SRSF11: variants seen among roughly 807,000 people sequenced by gnomAD.
SRSF11 encodes the protein serine and arginine rich splicing factor 11, also known as serine/arginine-rich splicing factor 11.
A neutral mutation model predicts 56.0 loss-of-function variants in SRSF11; 9 were observed. The ratio of observed to expected loss-of-function variants is 0.16; its 90% CI spans 0.10 to 0.28. The LOEUF is 0.28. Among genes scored for constraint, SRSF11 ranks in the 10% least tolerant of loss-of-function variants. The probability of loss-of-function intolerance (pLI) is 1.00; values close to 1 mark genes in which losing one functional copy is unlikely to be tolerated. For missense variants in SRSF11, 421 were observed against 600.7 expected (o/e 0.70, Z 3.13); for synonymous variants, 222 against 215.3 (o/e 1.03, Z -0.27).
At position 70,231,623 on chromosome 1, in the gene SRSF11, C is replaced by G. The variant is rs41287902; in HGVS notation, c.338-645C>G. On this transcript the variant is annotated intron_variant, in intron 2 of 11. Transcript: ENST00000370949. The stretch of plus-strand genomic sequence containing the variant: ...TCTCTTTCTCTCTCACTCCCATGCA[C>G]ACATCCTGTGTGTATTCAGAGACCT... 2,510 of 1,167,070 alleles carry G rather than the reference C, an allele frequency of 2.2e-3. 3 individuals are homozygous for G. The highest frequency in any genetic ancestry group is 2.5e-3 in the Non-Finnish European group (2,317 of 930,164). 72.3% of individuals were successfully genotyped at this position (1,167,070 alleles called of 1,614,324 possible).
intron 1 of SRSF11, among the ~76,000 whole-genome samples, chr1:70,226,773 C>T (rs1035109393): frequency 6.6e-6 from 1 of 152,222 alleles, no homozygotes; most frequent in African/African-American, 2.4e-5. Flanking sequence ...GGCACACCTG[C>T]AGCCCCATCT....
At chr1:70,247,182 T>A (rs1676948136) in intron 9 of SRSF11, 1 of 876,498 alleles carries the variant, frequency 1.1e-6, no homozygotes, top group Non-Finnish European at 1.4e-6. Context: ...TAAGTTTTAA[T>A]GGCTAAACCA....
chr1:70,250,693 G>A lies in SRSF11; in HGVS notation c.1343G>A (p.Gly448Asp). ...GAAGAGAAGAAACCAATAGAAACAG[G>A]TTCCCCTAAAACAAAGGAATGTTCT... ...KKEEKKPIET[G>D]SPKTKECSVE... The change falls in exon 12 of 12, where the codon GGT (glycine) becomes GAT (aspartate). Residue 448 changes from glycine (G) to aspartate (D), a missense_variant. Physicochemically the swap from Gly to Asp is moderately conservative, Grantham distance 94. Transcript: ENST00000370949. 6.2e-7 allele frequency: 1 copy of A among 1,613,962 alleles called. No homozygotes were observed. The highest frequency in any genetic ancestry group is 8.5e-7 in the Non-Finnish European group (1 of 1,179,942).
intron 7 of SRSF11, among the ~76,000 whole-genome samples, chr1:70,243,802 A>G (rs145741944): frequency 4.5e-3 from 689 of 152,220 alleles, no homozygotes; most frequent in Non-Finnish European, 7.4e-3. Flanking sequence ...TATAATCCCA[A>G]CTCTGGGAGG....
At chr1:70,229,894 T>C in intron 2 of SRSF11, 4 of 985,320 alleles carry the variant, frequency 4.1e-6, no homozygotes, top group Non-Finnish European at 4.8e-6. Context: ...TTGTAATGTA[T>C]AGATAGATAA....
intron 1 of SRSF11, among the ~76,000 whole-genome samples, chr1:70,227,193 C>A (rs1292649392): frequency 6.6e-6 from 1 of 152,114 alleles, no homozygotes; most frequent in Non-Finnish European, 1.5e-5. Context: ...TTCTTTTCAA[C>A]AATGAATCTG....
At chr1:70,222,168 C>G (rs1363688778) in intron 1 of SRSF11, among the ~76,000 whole-genome samples, 4 of 152,062 alleles carry the variant, frequency 2.6e-5, no homozygotes, top group African/African-American at 9.7e-5. Context: ...GGTTAAATCC[C>G]TTTTTTAAAA....
At chr1:70,232,971 C>T (rs1481592819) in intron 3 of SRSF11, among the ~76,000 whole-genome samples, 1 of 152,146 alleles carries the variant, frequency 6.6e-6, no homozygotes, top group Non-Finnish European at 1.5e-5. Context: ...TCAGTAGTTT[C>T]AAAGATTGTA....
At chr1:70,218,654 T>C (rs931604041), upstream of SRSF11, 1 of 152,244 alleles carries the variant, frequency 6.6e-6, no homozygotes, top group Admixed American at 6.5e-5. Flanking sequence ...GACCTTCTGT[T>C]ATTTGTCCTT....
chr1:70,232,517 A>G lies in SRSF11; in HGVS notation c.447+140A>G, dbSNP rs187694280. The G allele has an allele frequency of 1.5e-4, 95 of 625,300 alleles. No homozygotes were observed. In the African/African-American group the frequency reaches 1.7e-3, roughly 11 times the overall value. The allele number at this position is 625,300 out of a possible 1,614,324, so 38.7% of individuals were successfully genotyped here. On this transcript the variant is annotated intron_variant, in intron 3 of 11. Coordinates refer to ENST00000370949, the MANE Select transcript of SRSF11 (RefSeq NM_001350605.2). ...ACATGTCTATATCAAAATCACAAAT[A>G]GTATAGAAGATCTCTTAGACTTTTG... is the stretch of plus-strand genomic sequence containing the variant.
chr1:70,225,100 C>T (rs1246492764), intron 1 of SRSF11, among the ~76,000 whole-genome samples: 1 of 152,178 alleles, frequency 6.6e-6, no homozygotes, highest in African/African-American at 2.4e-5. Flanking sequence ...AGCCAAGTAA[C>T]TTGTAAGATC....
Position 70,246,822 on chromosome 1 carries a change from A to G in SRSF11, c.937A>G (p.Lys313Glu). ...TAAATTGTGTTCATTTGTTAGAGAC[A>G]AAAAGAAAGAAGACAAAGAAAAGAA... ...RSRSTSKTRD[K>E]KKEDKEKKRS... Residue 313 changes from lysine (K) to glutamate (E), a missense_variant, in exon 9 of 12, where the codon AAA (lysine) becomes GAA (glutamate). Around this residue, in one of 2 missense-constraint regions of SRSF11, gnomAD observed 253 missense variants for 305.8 expected, o/e 0.83. Transcript: ENST00000370949. The G allele has an allele frequency of 1.2e-6, 2 of 1,606,314 alleles. No individual in the cohort carries two copies. The highest frequency in any genetic ancestry group is 1.7e-6 in the Non-Finnish European group (2 of 1,176,638).
chr1:70,214,450 G>A (rs997891390), intron 1 of SRSF11, among the ~76,000 whole-genome samples: 1 of 152,028 alleles, frequency 6.6e-6, no homozygotes. Context: ...GAATCTTAAT[G>A]CTCTGACTAC....
chr1:70,240,328 A>G (rs1675059943), intron 7 of SRSF11, among the ~76,000 whole-genome samples: 1 of 152,244 alleles, frequency 6.6e-6, no homozygotes, highest in Non-Finnish European at 1.5e-5. Flanking sequence ...CTGCAAGTGC[A>G]TACAGAAATG....
At chr1:70,220,109 G>A (rs1261949870), upstream of SRSF11, among the ~76,000 whole-genome samples, 1 of 152,216 alleles carries the variant, frequency 6.6e-6, no homozygotes, top group Non-Finnish European at 1.5e-5. Flanking sequence ...CATTGTGCCA[G>A]GTTCTGGACT....
intron 6 of SRSF11, 62 bp from the exon 7 acceptor site, chr1:70,239,377 C>A: frequency 8.6e-7 from 1 of 1,165,778 alleles, no homozygotes; most frequent in Non-Finnish European, 1.2e-6. Context: ...CAGGCATGAG[C>A]CACTGCGTCT....
rs1676872673 is a variant in SRSF11, at chr1:70,246,805, G to A, written c.933-13G>A. ...GTCTTCTAATGCATTCATAAATTGT[G>A]TTCATTTGTTAGAGACAAAAAGAAA... On this transcript the variant is annotated splice_polypyrimidine_tract_variant and intron_variant, in intron 8 of 11. Coordinates refer to ENST00000370949, the MANE Select transcript of SRSF11 (RefSeq NM_001350605.2). 1 of 1,582,946 alleles carries A rather than the reference G, an allele frequency of 6.3e-7. No individual in the cohort carries two copies.
At position 70,221,534 on chromosome 1, in the gene SRSF11, G is replaced by A. The variant is rs774260069; in HGVS notation, c.-103G>A. The A allele has an allele frequency of 8.4e-6, 12 of 1,436,830 alleles. No individual in the cohort carries two copies. Among genetic ancestry groups the A allele is most frequent in the Admixed American group, 4.5e-5 (2 of 44,012 alleles). The allele number at this position is 1,436,830 out of a possible 1,614,324, so 89.0% of individuals were successfully genotyped here. The stretch of plus-strand genomic sequence containing the variant: ...AGCAGTAGCAGAGGCTGTAGCATCG[G>A]ACACCCTCCTCTCTCCCGCAATCCG... On this transcript the variant is annotated 5_prime_UTR_variant, in exon 1 of 12. Transcript: ENST00000370949.
intron 1 of SRSF11, among the ~76,000 whole-genome samples, chr1:70,224,562 G>T (rs534288386): frequency 1.3e-5 from 2 of 152,144 alleles, no homozygotes; most frequent in Admixed American, 6.5e-5. Context: ...TCTTCATTTC[G>T]GTTCTGAATG....
Sources: allele counts gnomAD v4.1 joint callset (sites outside exome capture counted in the v4.1 genomes callset), GRCh38; gene constraint gnomAD v4.1.1; regional missense constraint gnomAD v4.1.1; transcripts MANE v1.5; gene names NCBI Gene and HGNC (gene_info 2026-07-23, HGNC 2026-07-21).